The following AUTS2 variants were observed in gnomAD, a reference collection of about 807,000 sequenced individuals.
The protein encoded by AUTS2 is activator of transcription and developmental regulator AUTS2.
Under a neutral mutation model 112.4 loss-of-function variants are expected in AUTS2, and 17 were observed. The observed-to-expected ratio is 0.15, with a 90% CI of 0.10 to 0.23. The LOEUF is 0.23. Among genes scored for constraint, AUTS2 ranks in the 10% least tolerant of loss-of-function variants. The pLI is 1.00. For missense variants in AUTS2, 1,510 were observed against 1,701.6 expected, an observed-to-expected ratio of 0.89 and a Z score of 1.98; for synonymous variants, 751 against 702.7, an observed-to-expected ratio of 1.07 and a Z score of -1.09.
intron 2 of AUTS2, among the ~76,000 whole-genome samples, chr7:69,929,550 AT>A (rs1476517302): frequency 6.7e-6 from 1 of 149,314 alleles, no homozygotes; most frequent in Non-Finnish European, 1.5e-5. Context: ...ATTTTTCTTC[AT>A]TCTTTTTTCT....
At chr7:70,366,235 G>T (rs144777327) in intron 4 of AUTS2, among the ~76,000 whole-genome samples, 45 of 152,244 alleles carry the variant, frequency 3.0e-4, no homozygotes, top group African/African-American at 1.0e-3. Flanking sequence ...TTCTCTTAGA[G>T]ACAGATCCAT....
intron 4 of AUTS2, among the ~76,000 whole-genome samples, chr7:70,296,977 G>T (rs560623717): frequency 1.2e-3 from 178 of 150,146 alleles, no homozygotes; most frequent in African/African-American, 4.1e-3. Context: ...GAGTAGCTGG[G>T]ACCACAGGTG....
chr7:70,643,383 C>T (rs1805959601), intron 5 of AUTS2, among the ~76,000 whole-genome samples: 1 of 152,148 alleles, frequency 6.6e-6, no homozygotes, highest in Non-Finnish European at 1.5e-5. Context: ...CCATCCTGGC[C>T]AACAGGGTGA....
chr7:69,847,876 A>G (rs757515804), intron 1 of AUTS2, among the ~76,000 whole-genome samples: 8 of 151,878 alleles, frequency 5.3e-5, no homozygotes, highest in South Asian at 2.1e-4. Context: ...CTCTTGCTCT[A>G]TTCTCATCCA....
intron 5 of AUTS2, among the ~76,000 whole-genome samples, chr7:70,632,371 G>A (rs1465592851): frequency 6.6e-6 from 1 of 152,062 alleles, no homozygotes; most frequent in African/African-American, 2.4e-5. Context: ...AGAAGTGAGG[G>A]AAGCCCTGCT....
At chr7:70,160,593 A>G (rs886461015) in intron 4 of AUTS2, among the ~76,000 whole-genome samples, 3 of 152,194 alleles carry the variant, frequency 2.0e-5, no homozygotes, top group African/African-American at 7.2e-5. Context: ...TTCTTTTCAC[A>G]CAAGTGTAAG....
chr7:69,639,635 T>A (rs895122362), intron 1 of AUTS2, among the ~76,000 whole-genome samples: 1 of 152,238 alleles, frequency 6.6e-6, no homozygotes, highest in Non-Finnish European at 1.5e-5. Context: ...TTTGTTAGCT[T>A]GAAACCTGTT....
chr7:70,765,685 C>G lies in AUTS2; in HGVS notation c.1469-429C>G, dbSNP rs151212683. Among the ~76,000 whole-genome samples, 360 of 152,266 alleles carry G rather than the reference C, an allele frequency of 2.4e-3. 2 individuals are homozygous for G. Among genetic ancestry groups the G allele is most frequent in the Non-Finnish European group, 2.5e-3 (169 of 68,016 alleles). On this transcript the variant is annotated intron_variant, in intron 8 of 18. Transcript: ENST00000342771. ...CATTTATTAGTGTGCTATCACTGTTCCCAAGCACTTAAACGTGCAAATTGC... is the reference window on the plus strand; with the variant it reads ...CATTTATTAGTGTGCTATCACTGTTGCCAAGCACTTAAACGTGCAAATTGC...
intron 5 of AUTS2, among the ~76,000 whole-genome samples, chr7:70,589,010 A>T (rs990864218): frequency 1.1e-4 from 17 of 152,214 alleles, no homozygotes; most frequent in Non-Finnish European, 1.9e-4. Flanking sequence ...ATGCCTACTG[A>T]AAGTGAAGCA....
At chr7:69,666,197 T>C (rs761951055) in intron 1 of AUTS2, among the ~76,000 whole-genome samples, 32 of 152,178 alleles carry the variant, frequency 2.1e-4, no homozygotes, top group Admixed American at 4.6e-4. Context: ...CATACACATA[T>C]AAAAAGCTTC....
intron 1 of AUTS2, among the ~76,000 whole-genome samples, chr7:69,781,034 A>T (rs1789124650): frequency 6.6e-6 from 1 of 152,212 alleles, no homozygotes; most frequent in Admixed American, 6.5e-5. Context: ...TTGATGGGGA[A>T]ACTGAGATCT....
chr7:70,436,892 A>G (rs1795915600), intron 5 of AUTS2: 1 of 152,262 alleles, frequency 6.6e-6, no homozygotes, highest in Admixed American at 6.5e-5. Context: ...GGTCAAGCAT[A>G]TTCAGATGAA....
At chr7:70,050,399 G>T (rs1477331917) in intron 2 of AUTS2, among the ~76,000 whole-genome samples, 1 of 147,706 alleles carries the variant, frequency 6.8e-6, no homozygotes, top group African/African-American at 2.5e-5. Context: ...TCCAAATAAT[G>T]GTCAAGGTTT....
intron 5 of AUTS2, among the ~76,000 whole-genome samples, chr7:70,445,828 C>T (rs1196577135): frequency 3.9e-5 from 6 of 152,180 alleles, no homozygotes; most frequent in Admixed American, 3.3e-4. Flanking sequence ...TTGACACATA[C>T]GGCCCTGTAA....
intron 2 of AUTS2, among the ~76,000 whole-genome samples, chr7:70,014,996 CATA>C (rs1414569003): frequency 6.6e-6 from 1 of 152,200 alleles, no homozygotes; most frequent in African/African-American, 2.4e-5. Flanking sequence ...AAATTATGAG[CATA>C]ATGTTTCTTT....
At chr7:69,938,178 A>C (rs1031420036) in intron 2 of AUTS2, among the ~76,000 whole-genome samples, 1 of 152,192 alleles carries the variant, frequency 6.6e-6, no homozygotes, top group African/African-American at 2.4e-5. Context: ...GCAAGACCTA[A>C]TTAGTCTAAG....
chr7:70,042,565 A>AT (rs1386397872), intron 2 of AUTS2, among the ~76,000 whole-genome samples: 42 of 152,222 alleles, frequency 2.8e-4, no homozygotes, highest in Admixed American at 2.7e-3. Context: ...TCTAGTATGA[A>AT]TAGAGGTTTA....
intron 5 of AUTS2, among the ~76,000 whole-genome samples, chr7:70,695,413 G>A: frequency 6.6e-6 from 1 of 152,218 alleles, no homozygotes; most frequent in Non-Finnish European, 1.5e-5. Context: ...CTGGGGTCGC[G>A]CTTCCCCAGC....
intron 5 of AUTS2, among the ~76,000 whole-genome samples, chr7:70,575,619 A>G (rs1250963923): frequency 1.3e-5 from 2 of 152,236 alleles, no homozygotes; most frequent in Non-Finnish European, 2.9e-5. Context: ...TTCTTTTTGA[A>G]TGCTGTCATA....
Sources: gnomAD v4.1 joint callset for allele counts (sites outside exome capture counted in the v4.1 genomes callset) on GRCh38, gnomAD v4.1.1 for gene constraint, MANE v1.5 for transcripts, NCBI Gene and HGNC (gene_info 2026-07-23, HGNC 2026-07-21) for gene names.